The following FAM53B variants were observed in gnomAD, a reference collection of about 807,000 sequenced individuals.
FAM53B encodes protein FAM53B.
In FAM53B, 12 loss-of-function variants were observed where a neutral mutation model predicts 32.7. The ratio of observed to expected loss-of-function variants is 0.37; its 90% confidence interval spans 0.24 to 0.59. The LOEUF is 0.59. Ranked by LOEUF, FAM53B falls within the 20% of genes least tolerant of loss-of-function variation. The probability of loss-of-function intolerance (pLI) is 0.72; values close to 1 mark genes in which losing one functional copy is unlikely to be tolerated. For synonymous variants in FAM53B, 234 were observed against 228.7 expected (o/e 1.02, Z -0.21); for missense variants, 477 against 577.7 (o/e 0.83, Z 1.79).
At position 124,673,884 on chromosome 10, in the gene FAM53B, G is replaced by A. The variant is rs559696119; in HGVS notation, c.906+7723C>T. The stretch of plus-strand genomic sequence containing the variant: ...GTGTTGGCTTCCCAGATAACCTGAC[G>A]CCCATGGCTACACCTGGGCAGATGC... On this transcript the variant is annotated intron_variant, in intron 4 of 4. Transcript: ENST00000337318. Among the ~76,000 whole-genome samples the A allele has an allele frequency of 4.7e-4, 72 of 152,284 alleles. 1 individual carries two copies. Among genetic ancestry groups the A allele is most frequent in the Admixed American group, 5.2e-4 (8 of 15,300 alleles).
chr10:124,676,852 TG>T (rs1248667789), intron 4 of FAM53B, among the ~76,000 whole-genome samples: 1 of 152,168 alleles, frequency 6.6e-6, no homozygotes, highest in East Asian at 1.9e-4. Context: ...AAACTGCCCC[TG>T]GCCAGCTTTC....
chr10:124,633,699 C>T lies in FAM53B; in HGVS notation c.907-10095G>A, dbSNP rs187391834. Among the ~76,000 whole-genome samples the T allele has an allele frequency of 4.6e-5, 7 of 152,264 alleles. No individual in the cohort carries two copies. The East Asian group carries it at 1.3e-3, about 29-fold the overall frequency. On this transcript the variant is annotated intron_variant, in intron 4 of 4. Coordinates refer to ENST00000337318, the MANE Select transcript of FAM53B (RefSeq NM_014661.4). The stretch of plus-strand genomic sequence containing the variant: ...TCTCAAAGCAGAGGAGAAAAGATGG[C>T]ATTCTCAACAGATGGTACTGAAACA...
chr10:124,626,506 A>T (rs778873058), intron 4 of FAM53B, among the ~76,000 whole-genome samples: 1 of 151,502 alleles, frequency 6.6e-6, no homozygotes, highest in Admixed American at 6.6e-5. Flanking sequence ...GAGGGAGCGC[A>T]GGTGCCTCTC....
chr10:124,706,800 G>T lies in FAM53B; in HGVS notation c.-87C>A. 2 of 1,597,212 alleles carry T rather than the reference G, an allele frequency of 1.3e-6. No homozygotes were observed. The highest frequency in any genetic ancestry group is 8.5e-7 in the Non-Finnish European group (1 of 1,170,466). ...AGACTTGGGGTGAGTACCTCCTGGG[G>T]AATTGATGTCAGCAGAAACAGCTCC... On this transcript the variant is annotated 5_prime_UTR_variant, in exon 2 of 5. Transcript: ENST00000337318.
chr10:124,690,235 G>GA (rs1221136111), intron 3 of FAM53B, among the ~76,000 whole-genome samples: 2 of 152,270 alleles, frequency 1.3e-5, no homozygotes, highest in Non-Finnish European at 2.9e-5. Flanking sequence ...CTGAAGCTGA[G>GA]AAAGAGCATG....
At chr10:124,695,156 T>G (rs369123071) in intron 3 of FAM53B, among the ~76,000 whole-genome samples, 1 of 151,944 alleles carries the variant, frequency 6.6e-6, no homozygotes, top group African/African-American at 2.4e-5. Context: ...GACTCTGAGG[T>G]CTGACCAAAG....
At chr10:124,738,640 C>G (rs1950184592) in intron 1 of FAM53B, among the ~76,000 whole-genome samples, 1 of 151,694 alleles carries the variant, frequency 6.6e-6, no homozygotes, top group South Asian at 2.1e-4. Flanking sequence ...CTGCCCAGCC[C>G]TGGCTGGGGC....
chr10:124,714,774 A>G (rs577967633), intron 1 of FAM53B, among the ~76,000 whole-genome samples: 15 of 152,046 alleles, frequency 9.9e-5, no homozygotes, highest in East Asian at 9.6e-4. Context: ...AAAAAAAAAA[A>G]AAAAAGAAAA....
chr10:124,655,354 G>C (rs1045323862), intron 4 of FAM53B, among the ~76,000 whole-genome samples: 1 of 152,102 alleles, frequency 6.6e-6, no homozygotes, highest in African/African-American at 2.4e-5. Context: ...TGCTGGCCTG[G>C]GGAGGGGCCT....
intron 1 of FAM53B, among the ~76,000 whole-genome samples, chr10:124,710,518 C>T (rs1301365300): frequency 2.6e-5 from 4 of 152,210 alleles, no homozygotes; most frequent in Non-Finnish European, 5.9e-5. Context: ...ATGCCAGGAC[C>T]AGGCCGGAGA....
chr10:124,704,959 T>C (rs1949942588), intron 2 of FAM53B, among the ~76,000 whole-genome samples: 2 of 151,878 alleles, frequency 1.3e-5, no homozygotes, highest in Non-Finnish European at 2.9e-5. Context: ...CTGGAAAGGA[T>C]GGGGTGGTAG....
intron 2 of FAM53B, among the ~76,000 whole-genome samples, chr10:124,702,049 C>T (rs963447786): frequency 2.0e-5 from 3 of 152,126 alleles, no homozygotes; most frequent in Admixed American, 2.0e-4. Flanking sequence ...CCCAGGGTTG[C>T]GAGGACCCTG....
At chr10:124,656,057 G>A (rs1370752385) in intron 4 of FAM53B, among the ~76,000 whole-genome samples, 1 of 152,206 alleles carries the variant, frequency 6.6e-6, no homozygotes, top group Non-Finnish European at 1.5e-5. Context: ...TACCAGCACG[G>A]TACCCAGCAC....
Position 124,681,785 on chromosome 10 carries a change from G to A in FAM53B, c.728C>T (p.Pro243Leu), listed in dbSNP as rs761220142. 8 of 1,609,090 alleles carry A rather than the reference G, an allele frequency of 5.0e-6. No homozygotes were observed. The highest frequency in any genetic ancestry group is 1.7e-4 in the Middle Eastern group (1 of 6,058). ...GGCAGGTGTGCTGTTGGCTGAGGGA[G>A]GACAGTATTCCACAAAGGAAAACTG... is the stretch of plus-strand genomic sequence containing the variant. The part of the protein sequence containing the change: ...HEQFSFVEYC[P>L]PSANSTPAST... Residue 243 changes from proline (P) to leucine (L), a missense_variant, in exon 4 of 5, where the codon CCT (proline) becomes CTT (leucine). Around this residue, in one of 2 missense-constraint regions of FAM53B, gnomAD observed 312 missense variants for 420.2 expected, o/e 0.74. Transcript: ENST00000337318.
At chr10:124,650,496 T>C (rs1949549312) in intron 4 of FAM53B, among the ~76,000 whole-genome samples, 1 of 151,486 alleles carries the variant, frequency 6.6e-6, no homozygotes, top group South Asian at 2.1e-4. Flanking sequence ...TGTGGCCAGA[T>C]GTGCTAGGCG....
chr10:124,650,896 C>A (rs1949551750), intron 4 of FAM53B, among the ~76,000 whole-genome samples: 1 of 152,140 alleles, frequency 6.6e-6, no homozygotes, highest in Non-Finnish European at 1.5e-5. Context: ...CTGAAACCCC[C>A]CTCTTGCCTT....
intron 1 of FAM53B, among the ~76,000 whole-genome samples, chr10:124,735,820 G>A (rs1331469673): frequency 2.6e-5 from 4 of 152,258 alleles, no homozygotes; most frequent in Non-Finnish European, 5.9e-5. Context: ...CCAGAAGAAG[G>A]AATGGGGGCC....
chr10:124,632,106 G>A (rs1490825664), intron 4 of FAM53B, among the ~76,000 whole-genome samples: 1 of 152,206 alleles, frequency 6.6e-6, no homozygotes, highest in East Asian at 1.9e-4. Flanking sequence ...CCAGAGCCAC[G>A]CGTGTCCTCT....
chr10:124,638,431 G>A (rs997061272), intron 4 of FAM53B, among the ~76,000 whole-genome samples: 22 of 152,160 alleles, frequency 1.4e-4, no homozygotes, highest in African/African-American at 5.3e-4. Flanking sequence ...GGCATGTTAC[G>A]CAATCTGAGT....
Sources: gnomAD v4.1 joint callset for allele counts (sites outside exome capture counted in the v4.1 genomes callset) on GRCh38, gnomAD v4.1.1 for gene constraint, gnomAD v4.1.1 regional missense constraint, MANE v1.5 for transcripts, NCBI Gene and HGNC (gene_info 2026-07-23, HGNC 2026-07-21) for gene names.